The following PWWP2A variants were observed in gnomAD, a reference collection of about 807,000 sequenced individuals.
PWWP2A encodes the protein PWWP domain containing 2A.
In PWWP2A, 18 loss-of-function variants were observed where a neutral mutation model predicts 48.5. The ratio of observed to expected loss-of-function variants is 0.37; its 90% CI spans 0.26 to 0.55. PWWP2A has a LOEUF of 0.55. PWWP2A is among the 20% of genes least tolerant of loss of function. PWWP2A has a pLI of 0.81. For synonymous variants in PWWP2A, 396 were observed against 387.7 expected, an observed-to-expected ratio of 1.02 and a Z score of -0.25; for missense variants, 867 against 976.4, an observed-to-expected ratio of 0.89 and a Z score of 1.49.
intron 1 of PWWP2A, among the ~76,000 whole-genome samples, chr5:160,109,409 T>C (rs1441870994): frequency 2.6e-5 from 4 of 151,988 alleles, no homozygotes; most frequent in Admixed American, 2.0e-4. Context: ...TTTCCCCCCA[T>C]TTAAAAGCTT....
intron 4 of PWWP2A, chr5:160,065,106 T>A: frequency 6.3e-7 from 1 of 1,594,414 alleles, no homozygotes; most frequent in Non-Finnish European, 8.5e-7. Flanking sequence ...TGGAATTGTG[T>A]GCTGCTTGCT....
At chr5:160,051,008 C>T in the PWWP2A span, 1 of 666,664 alleles carries the variant, frequency 1.5e-6, no homozygotes, top group Non-Finnish European at 2.4e-6. Context: ...GGATCATAGA[C>T]ATACTTAACT....
intron 1 of PWWP2A, among the ~76,000 whole-genome samples, chr5:160,100,738 T>C (rs748259318): frequency 6.6e-6 from 1 of 152,350 alleles, no homozygotes; most frequent in African/African-American, 2.4e-5. Flanking sequence ...AAGCTTATTG[T>C]GGTTCATATT....
chr5:160,059,478 C>A (rs947300754), downstream of PWWP2A, among the ~76,000 whole-genome samples: 2 of 152,204 alleles, frequency 1.3e-5, no homozygotes, highest in East Asian at 3.8e-4. Flanking sequence ...TCCATATAAG[C>A]AATAAGGCTG....
the PWWP2A span, among the ~76,000 whole-genome samples, chr5:160,055,589 C>T: frequency 6.6e-6 from 1 of 152,250 alleles, no homozygotes; most frequent in African/African-American, 2.4e-5. Flanking sequence ...ATATCAGGCC[C>T]TACCCCAGAC....
At chr5:160,098,320 T>C (rs1277247472) in intron 1 of PWWP2A, among the ~76,000 whole-genome samples, 1 of 152,148 alleles carries the variant, frequency 6.6e-6, no homozygotes, top group Non-Finnish European at 1.5e-5. Flanking sequence ...AAAATGGTAA[T>C]TGTGTGTGGG....
intron 1 of PWWP2A, among the ~76,000 whole-genome samples, chr5:160,104,137 A>G (rs1278114576): frequency 2.7e-5 from 4 of 150,266 alleles, no homozygotes; most frequent in African/African-American, 4.9e-5. Context: ...AAAAAAAAAA[A>G]AAAGAAATGA....
At chr5:160,051,461 A>T in the PWWP2A span, among the ~76,000 whole-genome samples, 22 of 152,174 alleles carry the variant, frequency 1.4e-4, no homozygotes, top group Admixed American at 5.2e-4. Flanking sequence ...CTTAAATGGG[A>T]TTTAAAATCC....
At chr5:160,106,938 C>T (rs1756963955) in intron 1 of PWWP2A, among the ~76,000 whole-genome samples, 1 of 148,742 alleles carries the variant, frequency 6.7e-6, no homozygotes, top group Non-Finnish European at 1.5e-5. Context: ...ATTCTCATGT[C>T]TCAGCCTCCC....
chr5:160,065,319 T>A (rs1251200486), intron 4 of PWWP2A: 7 of 609,340 alleles, frequency 1.1e-5, no homozygotes, highest in Admixed American at 4.3e-5. Context: ...GGCTGTCCTA[T>A]GTCCAGGAAG....
At position 160,068,157 on chromosome 5, in the gene PWWP2A, G is replaced by A. The variant is rs941365377; in HGVS notation, c.*80-1286C>T. 2.8e-4 allele frequency among the ~76,000 whole-genome samples: 43 copies of A among 152,194 alleles called. 1 individual carries two copies. Among genetic ancestry groups the A allele is most frequent in the Admixed American group, 1.3e-4 (2 of 15,280 alleles). On this transcript the variant is annotated intron_variant and NMD_transcript_variant, in intron 2 of 5. Transcript: ENST00000524050. ...GATCATGCCACTGCAGTCCAGCCTA[G>A]GTGACAGAGCAAGCCTCCATCTCAA...
intron 1 of PWWP2A, among the ~76,000 whole-genome samples, chr5:160,099,001 A>C (rs1453067760): frequency 6.6e-6 from 1 of 152,184 alleles, no homozygotes; most frequent in Non-Finnish European, 1.5e-5. Context: ...CTGTGAAAAA[A>C]CACATCACAA....
chr5:160,070,224 T>C (rs929416047), intron 2 of PWWP2A, among the ~76,000 whole-genome samples: 1 of 152,176 alleles, frequency 6.6e-6, no homozygotes, highest in African/African-American at 2.4e-5. Flanking sequence ...CCCAACACTT[T>C]GGGAGGCAGA....
intron 1 of PWWP2A, among the ~76,000 whole-genome samples, chr5:160,109,837 A>G (rs1757374954): frequency 7.1e-6 from 1 of 140,276 alleles, no homozygotes; most frequent in African/African-American, 2.6e-5. Flanking sequence ...ATATATATAT[A>G]TATATCCAGA....
downstream of PWWP2A, among the ~76,000 whole-genome samples, chr5:160,086,868 C>T (rs1754685425): frequency 1.3e-5 from 2 of 152,210 alleles, no homozygotes; most frequent in African/African-American, 4.8e-5. Flanking sequence ...CATACCATCA[C>T]ACTTTTTGTC....
At chr5:160,058,288 C>T (rs925759757), downstream of PWWP2A, among the ~76,000 whole-genome samples, 11 of 152,232 alleles carry the variant, frequency 7.2e-5, no homozygotes, top group African/African-American at 2.4e-4. Context: ...CAGCAACTTC[C>T]TCCACTGAAG....
At chr5:160,118,781 G>A (rs763391784) in intron 1 of PWWP2A, 24 bp downstream of exon 1, 29 of 1,396,882 alleles carry the variant, frequency 2.1e-5, no homozygotes, top group Non-Finnish European at 2.3e-5. Context: ...GCGGACCGGA[G>A]GGTGCTGGGG....
chr5:160,057,586 T>G (rs993434113), downstream of PWWP2A, among the ~76,000 whole-genome samples: 1 of 152,192 alleles, frequency 6.6e-6, no homozygotes, highest in African/African-American at 2.4e-5. This position sits in a 1 kb window ranked among gnomAD's most constrained non-coding sequence, Gnocchi z 4.4. Flanking sequence ...GCAGTATCTT[T>G]AAATAAGATA....
intron 1 of PWWP2A, among the ~76,000 whole-genome samples, chr5:160,096,040 A>G (rs906047459): frequency 5.9e-5 from 9 of 152,136 alleles, no homozygotes; most frequent in African/African-American, 2.2e-4. Flanking sequence ...CTAGGAAGAA[A>G]TCTTGATATT....
Sources: gnomAD v4.1 joint callset for allele counts (sites outside exome capture counted in the v4.1 genomes callset) on GRCh38, gnomAD v4.1.1 for gene constraint, Gnocchi (gnomAD v3.1) non-coding constraint, MANE v1.5 for transcripts, NCBI Gene and HGNC (gene_info 2026-07-23, HGNC 2026-07-21) for gene names.